Variants in DHX32 observed in about 807,000 individuals in gnomAD.
DHX32 encodes DEAH-box helicase 32 (putative).
Under a neutral mutation model 70.0 loss-of-function variants are expected in DHX32, and 51 were observed. That is an observed-to-expected ratio of 0.73 (90% confidence interval 0.58 to 0.92). The LOEUF is 0.92. DHX32 is among the 40% of genes least tolerant of loss of function. The pLI, the probability that DHX32 is intolerant of heterozygous loss-of-function variation, is 0.00. For missense variants in DHX32, 762 were observed against 891.8 expected (o/e 0.85, Z 1.85); for synonymous variants, 310 against 315.3 (o/e 0.98, Z 0.18).
At chr10:125,838,438 A>AT in intron 9 of DHX32, 51 bp from the exon 10 acceptor site, 10 of 1,450,202 alleles carry the variant, frequency 6.9e-6, no homozygotes, top group Non-Finnish European at 9.2e-6. Context: ...TATGGAGATC[A>AT]TTATACAAAG....
At chr10:125,849,727 A>G (rs769573891) in intron 6 of DHX32, among the ~76,000 whole-genome samples, 6 of 152,124 alleles carry the variant, frequency 3.9e-5, no homozygotes, top group Admixed American at 1.3e-4. Flanking sequence ...CTCTTAGTAC[A>G]TGTAAATGTT....
intron 1 of DHX32, among the ~76,000 whole-genome samples, chr10:125,867,470 C>T (rs942657122): frequency 6.6e-6 from 1 of 152,214 alleles, no homozygotes; most frequent in Non-Finnish European, 1.5e-5. Context: ...GGTGTGGTGG[C>T]TCACGCCTGT....
At chr10:125,892,317 T>C (rs1244839934) in intron 1 of DHX32, among the ~76,000 whole-genome samples, 2,038 of 151,594 alleles carry the variant, frequency 0.013, no homozygotes, top group South Asian at 0.026. Context: ...TCCAATTTTT[T>C]TGTCTCTCAT....
At chr10:125,838,060 G>T in intron 10 of DHX32, 146 bp downstream of exon 10, 1 of 675,264 alleles carries the variant, frequency 1.5e-6, no homozygotes, top group Non-Finnish European at 2.4e-6. Context: ...ATCCACAGAG[G>T]CCTGCCCTTA....
chr10:125,850,730 T>C (rs1216588133), intron 6 of DHX32, among the ~76,000 whole-genome samples: 1 of 152,224 alleles, frequency 6.6e-6, no homozygotes, highest in Non-Finnish European at 1.5e-5. Flanking sequence ...CTGTTTGTGT[T>C]TGGGTTCACT....
chr10:125,893,553 A>G (rs1416867813), intron 1 of DHX32, among the ~76,000 whole-genome samples: 1 of 152,204 alleles, frequency 6.6e-6, no homozygotes, highest in African/African-American at 2.4e-5. Flanking sequence ...AGTGTCCTTT[A>G]GACTGTGGAC....
chr10:125,887,030 A>T (rs1224814829), intron 1 of DHX32, among the ~76,000 whole-genome samples: 1 of 152,258 alleles, frequency 6.6e-6, no homozygotes, highest in African/African-American at 2.4e-5. Flanking sequence ...ACAGTGGGTG[A>T]CTAATTAATA....
At chr10:125,869,836 A>G (rs185954758) in intron 1 of DHX32, among the ~76,000 whole-genome samples, 77 of 152,202 alleles carry the variant, frequency 5.1e-4, no homozygotes, top group African/African-American at 1.8e-3. Flanking sequence ...TATGGTAGGG[A>G]TAAGAGTTGA....
chr10:125,837,084 C>T (rs143391956), intron 10 of DHX32, among the ~76,000 whole-genome samples: 311 of 152,296 alleles, frequency 2.0e-3, no homozygotes, highest in African/African-American at 7.1e-3. Context: ...AGTGTTATGC[C>T]ACACAGTGGA....
intron 1 of DHX32, among the ~76,000 whole-genome samples, chr10:125,888,819 G>C (rs1474001850): frequency 6.6e-6 from 1 of 152,290 alleles, no homozygotes; most frequent in Non-Finnish European, 1.5e-5. Flanking sequence ...CAGAACTTTG[G>C]GAGGCCAAGG....
chr10:125,836,845 G>C lies in DHX32; in HGVS notation c.2074C>G (p.Leu692Val). ...TTACTGAAATAGTATTGTGGTACCA[G>C]CTGCATAAATCTGTTTATTTAAGAC... ...SEISPELFMQLVPQYYFSNLP... is the reference protein window; with the variant it reads ...SEISPELFMQVVPQYYFSNLP... Residue 692 changes from leucine (L) to valine (V), a missense_variant, in exon 11 of 11, where the codon CTG (leucine) becomes GTG (valine). Physicochemically the swap from Leu to Val is conservative, Grantham distance 32. This residue lies in a region of DHX32 where 366 missense variants were observed against 402.6 expected (regional missense o/e 0.91). Transcript: ENST00000284690. 6.2e-7 allele frequency: 1 copy of C among 1,614,034 alleles called. No homozygotes were observed. The highest frequency in any genetic ancestry group is 8.5e-7 in the Non-Finnish European group (1 of 1,179,932).
intron 3 of DHX32, among the ~76,000 whole-genome samples, chr10:125,858,276 A>T (rs1448365939): frequency 6.6e-6 from 1 of 152,114 alleles, no homozygotes; most frequent in African/African-American, 2.4e-5. Context: ...CTTAGGCTTC[A>T]TCTGTTTACA....
At chr10:125,839,331 A>G (rs1854802770) in intron 8 of DHX32, 143 bp from the exon 9 acceptor site, 1 of 792,380 alleles carries the variant, frequency 1.3e-6, no homozygotes, top group Non-Finnish European at 1.9e-6. Flanking sequence ...GGAAGGCAGC[A>G]AGGACAAGGA....
chr10:125,845,345 A>G (rs1448832178), intron 6 of DHX32, among the ~76,000 whole-genome samples: 1 of 152,242 alleles, frequency 6.6e-6, no homozygotes. Context: ...TAATCTGGCA[A>G]AAATGGCTCA....
At chr10:125,838,701 A>C (rs1274205711) in intron 9 of DHX32, among the ~76,000 whole-genome samples, 1 of 152,178 alleles carries the variant, frequency 6.6e-6, no homozygotes, top group Non-Finnish European at 1.5e-5. Flanking sequence ...CATACACTCC[A>C]ATGCCAAGTG....
At chr10:125,841,053 T>C (rs1237992881) in intron 7 of DHX32, 57 bp from the exon 8 acceptor site, 2 of 1,557,172 alleles carry the variant, frequency 1.3e-6, no homozygotes, top group South Asian at 1.2e-5. Flanking sequence ...TATCTTAGCC[T>C]AACATGCAGA....
chr10:125,845,008 A>G (rs1943993265), intron 6 of DHX32, among the ~76,000 whole-genome samples: 2 of 152,118 alleles, frequency 1.3e-5, no homozygotes, highest in South Asian at 4.1e-4. Flanking sequence ...AAGCTCCAAT[A>G]TGTGCCTGCA....
intron 3 of DHX32, chr10:125,854,546 A>G (rs555196874): frequency 1.7e-5 from 3 of 173,458 alleles, no homozygotes; most frequent in Middle Eastern, 2.9e-3. Context: ...TTTCCATACC[A>G]TTTGTAGAAT....
intron 1 of DHX32, among the ~76,000 whole-genome samples, chr10:125,874,090 A>G (rs1051602636): frequency 3.3e-5 from 5 of 152,246 alleles, no homozygotes; most frequent in African/African-American, 1.2e-4. Context: ...AAATGTAATA[A>G]GAAAAGATTC....
Sources: allele counts gnomAD v4.1 joint callset (sites outside exome capture counted in the v4.1 genomes callset), GRCh38; gene constraint gnomAD v4.1.1; regional missense constraint gnomAD v4.1.1; transcripts MANE v1.5; gene names NCBI Gene and HGNC (gene_info 2026-07-23, HGNC 2026-07-21).